Variants in PDZD2 observed in about 807,000 individuals in gnomAD.
PDZD2 encodes the protein PDZ domain-containing protein 2.
Under a neutral mutation model 220.7 loss-of-function variants are expected in PDZD2, and 90 were observed. The ratio of observed to expected loss-of-function variants is 0.41; its 90% CI spans 0.34 to 0.49. PDZD2 has a LOEUF of 0.49. Among genes scored for constraint, PDZD2 ranks in the 20% least tolerant of loss-of-function variants. The pLI, the probability that PDZD2 is intolerant of heterozygous loss-of-function variation, is 0.28. For missense variants in PDZD2, 3,174 were observed against 3,608.5 expected, an observed-to-expected ratio of 0.88 and a Z score of 3.08; for synonymous variants, 1,375 against 1,450.5, an observed-to-expected ratio of 0.95 and a Z score of 1.18.
chr5:31,927,369 T>G (rs935537072), intron 2 of PDZD2, among the ~76,000 whole-genome samples: 4 of 101,838 alleles, frequency 3.9e-5, no homozygotes, highest in African/African-American at 1.3e-4. Flanking sequence ...TGCTACTTTC[T>G]TTTTTGGGTG....
rs79676480 is a variant in PDZD2 at position 32,084,761 on chromosome 5, T to C, written c.3683-2370T>C. On this transcript the variant is annotated intron_variant, in intron 19 of 24. Coordinates refer to ENST00000438447, the MANE Select transcript of PDZD2 (RefSeq NM_178140.4). The stretch of plus-strand genomic sequence containing the variant: ...ATTTTTTTTCCCTGTTGCAAGATGC[T>C]GTGTGTCTGAGGTGGAAGATTAGCC... Among the ~76,000 whole-genome samples the C allele has an allele frequency of 1.2e-3, 186 of 152,176 alleles. No individual in the cohort carries two copies. The East Asian group carries it at 0.025, about 21-fold the overall frequency.
At chr5:31,866,338 A>G (rs1738231268) in intron 2 of PDZD2, among the ~76,000 whole-genome samples, 1 of 152,110 alleles carries the variant, frequency 6.6e-6, no homozygotes, top group Non-Finnish European at 1.5e-5. Flanking sequence ...TAACATACAT[A>G]TCAAAGCCCT....
At chr5:31,859,345 G>C (rs993609244) in intron 2 of PDZD2, among the ~76,000 whole-genome samples, 1 of 151,988 alleles carries the variant, frequency 6.6e-6, no homozygotes, top group African/African-American at 2.4e-5. Flanking sequence ...GAACCTGTTG[G>C]GTGGTTACAT....
intron 6 of PDZD2, among the ~76,000 whole-genome samples, chr5:32,021,820 G>T (rs1754222594): frequency 6.6e-6 from 1 of 152,124 alleles, no homozygotes; most frequent in African/African-American, 2.4e-5. Context: ...AATATCTGTG[G>T]AATTATCTTT....
rs141670678 is a variant in PDZD2, at chr5:31,972,132, G to A, written c.477-11023G>A. ...ACCTTTGTAGCCTGTTCAGTGTTTCGTTGAGGGTTTCACTCCCATTGCCCA... is the reference window on the plus strand; with the variant it reads ...ACCTTTGTAGCCTGTTCAGTGTTTCATTGAGGGTTTCACTCCCATTGCCCA... On this transcript the variant is annotated intron_variant, in intron 2 of 24. Transcript: ENST00000438447. Among the ~76,000 whole-genome samples the A allele has an allele frequency of 1.9e-3, 292 of 152,248 alleles. 3 individuals are homozygous for A. The highest frequency in any genetic ancestry group is 0.01 in the Middle Eastern group (3 of 294).
chr5:31,995,852 C>T lies in PDZD2; in HGVS notation c.1121+134C>T, dbSNP rs1751584956. 7.4e-6 allele frequency: 6 copies of T among 810,226 alleles called. No individual in the cohort carries two copies. In the South Asian group the frequency reaches 1.1e-4, roughly 14 times the overall value. 50.2% of individuals were successfully genotyped at this position (810,226 alleles called of 1,614,324 possible). On this transcript the variant is annotated intron_variant, in intron 4 of 24. Transcript: ENST00000438447. ...AGTTCATAAAGATTATGCTGGAGCA[C>T]AGGAGGAAACCAGGCAAGAGTGGTT...
At chr5:31,734,668 G>T (rs774907191) in intron 1 of PDZD2, among the ~76,000 whole-genome samples, 2 of 151,926 alleles carry the variant, frequency 1.3e-5, no homozygotes, top group Non-Finnish European at 2.9e-5. Flanking sequence ...TTGACCTTTG[G>T]CTTCATTGAC....
chr5:31,656,313 G>A (rs1745549881), intron 1 of PDZD2, among the ~76,000 whole-genome samples: 1 of 152,132 alleles, frequency 6.6e-6, no homozygotes, highest in Admixed American at 6.5e-5. Flanking sequence ...CGCCTTCCCT[G>A]GCTGGCAGCC....
intron 21 of PDZD2, among the ~76,000 whole-genome samples, chr5:32,095,830 T>C (rs1743624472): frequency 6.7e-6 from 1 of 149,462 alleles, no homozygotes; most frequent in African/African-American, 2.5e-5. Context: ...AAGCTCCACC[T>C]CCTGGGTTCA....
chr5:31,930,229 A>G (rs1184582996), intron 2 of PDZD2, among the ~76,000 whole-genome samples: 2 of 117,662 alleles, frequency 1.7e-5, no homozygotes, highest in Non-Finnish European at 3.3e-5. Flanking sequence ...TTTTTTGGAG[A>G]CAGTCTCGCT....
chr5:32,108,435 T>C lies in PDZD2; in HGVS notation c.*300T>C, dbSNP rs1745016728. On this transcript the variant is annotated 3_prime_UTR_variant, in exon 25 of 25. Transcript: ENST00000438447. ...ACAAGATGTGACACACCCTTCTTTATTTGAAACAAACAAACATTTAGCTAG... is the reference window on the plus strand; with the variant it reads ...ACAAGATGTGACACACCCTTCTTTACTTGAAACAAACAAACATTTAGCTAG... The C allele has an allele frequency of 1.0e-5, 2 of 196,824 alleles. No homozygotes were observed. Among genetic ancestry groups the C allele is most frequent in the Non-Finnish European group, 2.1e-5 (2 of 97,496 alleles). 12.2% of individuals were successfully genotyped at this position (196,824 alleles called of 1,614,324 possible).
chr5:31,941,651 G>A (rs918762877), intron 2 of PDZD2, among the ~76,000 whole-genome samples: 1 of 152,196 alleles, frequency 6.6e-6, no homozygotes, highest in Non-Finnish European at 1.5e-5. Context: ...TGGCGTTTGA[G>A]GATGTTATTG....
intron 1 of PDZD2, among the ~76,000 whole-genome samples, chr5:31,660,299 T>C (rs1745709489): frequency 6.6e-6 from 1 of 152,244 alleles, no homozygotes; most frequent in Non-Finnish European, 1.5e-5. Flanking sequence ...TCTCCATTTC[T>C]ATGGATACTT....
intron 5 of PDZD2, among the ~76,000 whole-genome samples, chr5:32,006,527 G>A (rs1012617748): frequency 3.3e-5 from 5 of 150,940 alleles, no homozygotes; most frequent in South Asian, 2.1e-4. Context: ...GCTACTGTTC[G>A]TTTGTTTGAG....
chr5:31,730,322 G>A (rs1352855240), intron 1 of PDZD2, among the ~76,000 whole-genome samples: 1 of 152,132 alleles, frequency 6.6e-6, no homozygotes, highest in East Asian at 1.9e-4. Flanking sequence ...AGGAGCAGCT[G>A]TTAAAACAGT....
At position 31,834,465 on chromosome 5, in the gene PDZD2, C is replaced by T. The variant is rs569094184; in HGVS notation, c.476+34741C>T. 1.6e-3 allele frequency among the ~76,000 whole-genome samples: 250 copies of T among 152,202 alleles called. 1 individual carries two copies. The highest frequency in any genetic ancestry group is 6.8e-3 in the Middle Eastern group (2 of 294). On this transcript the variant is annotated intron_variant, in intron 2 of 24. Transcript: ENST00000438447. ...TTCTTGAATTTATGAACACTCTTCC[C>T]CCCAAAATTTGAACTATGCAACAGA...
intron 2 of PDZD2, among the ~76,000 whole-genome samples, chr5:31,835,232 CATT>C (rs1756875499): frequency 6.6e-6 from 1 of 152,174 alleles, no homozygotes; most frequent in South Asian, 2.1e-4. Flanking sequence ...GTGTGGGCAT[CATT>C]GAGATGAGAT....
rs558245111 is a variant in PDZD2, at chr5:31,734,290, C to T, written c.-360-64599C>T. 3.9e-5 allele frequency among the ~76,000 whole-genome samples: 6 copies of T among 152,190 alleles called. No homozygotes were observed. The East Asian group carries it at 1.2e-3, about 29-fold the overall frequency. On this transcript the variant is annotated intron_variant, in intron 1 of 24. Transcript: ENST00000438447. ...CTGAATGTTCAGCAATCTGGAAGTACTCCAGACCCTGTCATTTTGTTGTTG... is the reference window on the plus strand; with the variant it reads ...CTGAATGTTCAGCAATCTGGAAGTATTCCAGACCCTGTCATTTTGTTGTTG...
chr5:31,897,676 C>T (rs1384981952), intron 2 of PDZD2, among the ~76,000 whole-genome samples: 1 of 151,576 alleles, frequency 6.6e-6, no homozygotes, highest in African/African-American at 2.4e-5. Context: ...TAGTTAAGTA[C>T]AGAAGAGACG....
Sources: allele counts gnomAD v4.1 joint callset (sites outside exome capture counted in the v4.1 genomes callset), GRCh38; gene constraint gnomAD v4.1.1; transcripts MANE v1.5; gene names NCBI Gene and HGNC (gene_info 2026-07-23, HGNC 2026-07-21).